The following ZNF577 variants were observed in gnomAD, a reference collection of about 807,000 sequenced individuals.
ZNF577 encodes zinc finger protein 577.
ZNF577 carries 14 observed loss-of-function variants against 13.9 expected under a neutral mutation model. The ratio of observed to expected loss-of-function variants is 1.00; its 90% CI spans 0.66 to 1.57. The LOEUF is 1.57. Among genes scored for constraint, ZNF577 ranks in the 40% most tolerant of loss-of-function variants. ZNF577 has a pLI of 0.00. For missense variants in ZNF577, 555 were observed against 579.2 expected, an observed-to-expected ratio of 0.96 and a Z score of 0.43; for synonymous variants, 203 against 202.9, an observed-to-expected ratio of 1.00 and a Z score of 0.00.
chr19:51,823,407 T>C (rs1258577894), intron 9 of ZNF577, among the ~76,000 whole-genome samples: 1 of 152,182 alleles, frequency 6.6e-6, no homozygotes, highest in Non-Finnish European at 1.5e-5. Flanking sequence ...ACTCTGAGTC[T>C]TGTGCCTTCC....
rs373584772 is a variant in ZNF577, at chr19:51,873,048, G to A, written c.942C>T (p.Thr314=). 3 of 1,614,096 alleles carry A rather than the reference G, an allele frequency of 1.9e-6. No individual in the cohort carries two copies. Among genetic ancestry groups the A allele is most frequent in the South Asian group, 1.1e-5 (1 of 91,074 alleles). ...CTCCCGTATGAATCCTCTGATGTCT[G>A]GTCAGGTCTGACTTAAAATAGAAGG... The part of the protein sequence containing the change: ...GRTFYFKSDL[T]RHQRIHTGEK... Residue 314 remains threonine (T), a synonymous_variant, in exon 6 of 6, where the codon ACC becomes ACT. Coordinates refer to ENST00000638348, the MANE Select transcript of ZNF577 (RefSeq NM_001370449.1).
At chr19:51,866,884 G>A (rs2084570750), downstream of ZNF577, among the ~76,000 whole-genome samples, 1 of 152,030 alleles carries the variant, frequency 6.6e-6, no homozygotes, top group Non-Finnish European at 1.5e-5. Flanking sequence ...AGGAGGCTGG[G>A]GCAAGAGAAT....
intron 9 of ZNF577, among the ~76,000 whole-genome samples, chr19:51,833,301 T>C (rs2084270125): frequency 2.6e-5 from 4 of 151,826 alleles, no homozygotes; most frequent in African/African-American, 9.7e-5. Flanking sequence ...TTCCCCTTTT[T>C]TGGAGATTAC....
At chr19:51,807,331 G>A (rs970651222) in intron 10 of ZNF577, among the ~76,000 whole-genome samples, 5 of 152,176 alleles carry the variant, frequency 3.3e-5, no homozygotes, top group Non-Finnish European at 5.9e-5. Context: ...TAACTTCAAG[G>A]AGCCAGGGAG....
chr19:51,862,158 A>G (rs2122608491), downstream of ZNF577: 1 of 152,492 alleles, frequency 6.6e-6, no homozygotes, highest in African/African-American at 2.4e-5. Flanking sequence ...TATTTCCTAT[A>G]TGAGTTCTCT....
intron 1 of ZNF577, among the ~76,000 whole-genome samples, chr19:51,882,479 T>TAAA (rs58821740): frequency 3.1e-5 from 4 of 128,250 alleles, no homozygotes; most frequent in African/African-American, 5.6e-5. Context: ...CAGTATCCAA[T>TAAA]AAAAAAAAAA....
Position 51,824,098 on chromosome 19 carries a change from C to G in ZNF577, c.*600-12424G>C. On this transcript the variant is annotated intron_variant and NMD_transcript_variant, in intron 9 of 10. Coordinates refer to the ZNF577 transcript ENST00000638827. This position sits in a 1 kb window ranked among gnomAD's most constrained non-coding sequence, Gnocchi z 4.7. ...CTGTTTGTCAGTGTCTACCTGATCACCATCATTGCTCTGGACCGCTGTATT... is the reference window on the plus strand; with the variant it reads ...CTGTTTGTCAGTGTCTACCTGATCAGCATCATTGCTCTGGACCGCTGTATT... 1.2e-6 allele frequency: 2 copies of G among 1,614,042 alleles called. No individual in the cohort carries two copies. Among genetic ancestry groups the G allele is most frequent in the South Asian group, 2.2e-5 (2 of 91,046 alleles).
intron 9 of ZNF577, among the ~76,000 whole-genome samples, chr19:51,834,243 C>G (rs1455425058): frequency 6.6e-6 from 1 of 152,068 alleles, no homozygotes; most frequent in Non-Finnish European, 1.5e-5. Flanking sequence ...CAGCCACACT[C>G]CTTTTATTTA....
chr19:51,832,843 G>T lies in ZNF577; in HGVS notation c.*599+7050C>A, dbSNP rs527571292. 9.2e-5 allele frequency among the ~76,000 whole-genome samples: 14 copies of T among 152,144 alleles called. No homozygotes were observed. In the South Asian group the frequency reaches 2.9e-3, roughly 32 times the overall value. On this transcript the variant is annotated intron_variant and NMD_transcript_variant, in intron 9 of 10. Coordinates refer to the ZNF577 transcript ENST00000638827. ...TTTACGTATGTCAAAAGTCAATATT[G>T]TGTGTGGATCTATTTCCGGACTCTA...
Position 51,872,885 on chromosome 19 carries a change from G to A in ZNF577, c.1105C>T (p.Leu369Phe), listed in dbSNP as rs139133866. Reference protein sequence around the residue: ...CGKAFAHMSVLIKHEKTHIRE... With the variant: ...CGKAFAHMSVFIKHEKTHIRE... ...ATGTGAGTTTTCTCATGTTTAATGA[G>A]GACTGACATGTGGGCAAAGGCTTTG... Residue 369 changes from leucine (L) to phenylalanine (F), a missense_variant, in exon 6 of 6, where the codon CTC becomes TTC. Coordinates refer to ENST00000638348, the MANE Select transcript of ZNF577 (RefSeq NM_001370449.1). The A allele has an allele frequency of 2.5e-5, 41 of 1,614,056 alleles. No homozygotes were observed. Among genetic ancestry groups the A allele is most frequent in the Non-Finnish European group, 3.2e-5 (38 of 1,180,040 alleles).
At chr19:51,875,439 A>T (rs144203398) in intron 5 of ZNF577, among the ~76,000 whole-genome samples, 2 of 152,184 alleles carry the variant, frequency 1.3e-5, no homozygotes, top group African/African-American at 4.8e-5. Context: ...TGGAAGTAAA[A>T]CAAGAGCCGA....
At chr19:51,822,023 C>A (rs1317953723) in intron 9 of ZNF577, among the ~76,000 whole-genome samples, 1 of 152,086 alleles carries the variant, frequency 6.6e-6, no homozygotes, top group Non-Finnish European at 1.5e-5. Context: ...TGCATTTTAA[C>A]AAATACCTTG....
rs539698434 is a variant in ZNF577 at position 51,821,333 on chromosome 19, G to C, written c.*600-9659C>G. Among the ~76,000 whole-genome samples, 5 of 152,228 alleles carry C rather than the reference G, an allele frequency of 3.3e-5. No homozygotes were observed. The East Asian group carries it at 9.7e-4, about 29-fold the overall frequency. On this transcript the variant is annotated intron_variant and NMD_transcript_variant, in intron 9 of 10. Transcript: ENST00000638827. ...CTGTAACAGTGATGCTCAACTGGGGGGAGTTTTGCCTCCCACGGGACCTTT... is the reference window on the plus strand; with the variant it reads ...CTGTAACAGTGATGCTCAACTGGGGCGAGTTTTGCCTCCCACGGGACCTTT...
At chr19:51,858,575 G>A (rs1439401775) in intron 5 of ZNF577, among the ~76,000 whole-genome samples, 1 of 152,146 alleles carries the variant, frequency 6.6e-6, no homozygotes, top group Non-Finnish European at 1.5e-5. Flanking sequence ...AAATGGGGAA[G>A]GGGCAAAAAT....
At chr19:51,858,075 C>T (rs1423452202) in intron 5 of ZNF577, among the ~76,000 whole-genome samples, 1 of 152,144 alleles carries the variant, frequency 6.6e-6, no homozygotes, top group Non-Finnish European at 1.5e-5. Flanking sequence ...GGAAAGGCTC[C>T]CACCCAGCTA....
chr19:51,806,382 A>T (rs7248607), intron 10 of ZNF577, among the ~76,000 whole-genome samples: 1 of 152,088 alleles, frequency 6.6e-6, no homozygotes, highest in Non-Finnish European at 1.5e-5. Context: ...GGGGATTTCC[A>T]TAACACTTTC....
chr19:51,864,407 G>A (rs561918701), downstream of ZNF577, among the ~76,000 whole-genome samples: 108 of 151,836 alleles, frequency 7.1e-4, no homozygotes, highest in Non-Finnish European at 1.3e-3. Context: ...CCTGACTCCC[G>A]CATTTATTTT....
intron 5 of ZNF577, among the ~76,000 whole-genome samples, chr19:51,849,824 C>CA (rs1599852411): frequency 2.0e-5 from 3 of 152,322 alleles, no homozygotes; most frequent in Admixed American, 1.3e-4. Context: ...AGATGCCTAT[C>CA]AACTGGTGCA....
At chr19:51,835,319 A>C (rs1377181956) in intron 9 of ZNF577, among the ~76,000 whole-genome samples, 2 of 152,036 alleles carry the variant, frequency 1.3e-5, no homozygotes, top group African/African-American at 4.8e-5. Context: ...AATTCCTTGA[A>C]AAGCACACAT....
Sources: gnomAD v4.1 joint callset for allele counts (sites outside exome capture counted in the v4.1 genomes callset) on GRCh38, gnomAD v4.1.1 for gene constraint, Gnocchi (gnomAD v3.1) non-coding constraint, MANE v1.5 for transcripts, NCBI Gene and HGNC (gene_info 2026-07-23, HGNC 2026-07-21) for gene names.